Variants in PTPRN2 observed in about 807,000 individuals in gnomAD.
The protein encoded by PTPRN2 is protein tyrosine phosphatase receptor type N2, also known as receptor-type tyrosine-protein phosphatase N2.
Under a neutral mutation model 118.8 loss-of-function variants are expected in PTPRN2, and 74 were observed. The observed-to-expected ratio is 0.62, with a 90% CI of 0.52 to 0.76. The LOEUF (loss-of-function observed/expected upper bound fraction) is 0.76, where lower values mean the gene tolerates loss of function less well. Among genes scored for constraint, PTPRN2 ranks in the 30% least tolerant of loss-of-function variants. The pLI, the probability that PTPRN2 is intolerant of heterozygous loss-of-function variation, is 0.00. For synonymous variants in PTPRN2, 641 were observed against 608.0 expected, an observed-to-expected ratio of 1.05 and a Z score of -0.80; for missense variants, 1,481 against 1,394.4, an observed-to-expected ratio of 1.06 and a Z score of -0.99.
In PTPRN2 at chr7:157,609,349, C is replaced by G. The variant is rs568269186; in HGVS notation, c.2345-5274G>C. Among the ~76,000 whole-genome samples the G allele has an allele frequency of 6.6e-6, 1 of 152,094 alleles. No homozygotes were observed. Among genetic ancestry groups the G allele is most frequent in the Non-Finnish European group, 1.5e-5 (1 of 68,026 alleles). ...AGTGAGCTGAGACTGTGCCATTGCA[C>G]TCCAGCCTGGACAACAAGAGTGAAA... On this transcript the variant is annotated intron_variant, in intron 15 of 22. Coordinates refer to ENST00000389418, the MANE Select transcript of PTPRN2 (RefSeq NM_002847.5). This position sits in a 1 kb window ranked among gnomAD's most constrained non-coding sequence, Gnocchi z 4.9.
At chr7:158,533,179 T>G (rs906478054) in intron 1 of PTPRN2, among the ~76,000 whole-genome samples, 13 of 152,288 alleles carry the variant, frequency 8.5e-5, no homozygotes, top group South Asian at 6.2e-4. Flanking sequence ...GATTCTCAAA[T>G]CCCTGGAGAT....
intron 12 of PTPRN2, among the ~76,000 whole-genome samples, chr7:157,877,644 T>C (rs1054851478): frequency 6.6e-6 from 1 of 152,140 alleles, no homozygotes; most frequent in African/African-American, 2.4e-5. Context: ...GGACCCAGCA[T>C]CAAAGCCCGG....
intron 3 of PTPRN2, among the ~76,000 whole-genome samples, chr7:158,260,957 G>T (rs774970811): frequency 6.6e-6 from 1 of 152,128 alleles, no homozygotes. Context: ...GGGCAGGAGG[G>T]GGCCTGTCCC....
In PTPRN2 at chr7:158,003,186, G is replaced by C. The variant is rs373246515; in HGVS notation, c.1723+78112C>G. Among the ~76,000 whole-genome samples the C allele has an allele frequency of 6.6e-6, 1 of 151,902 alleles. No individual in the cohort carries two copies. Among genetic ancestry groups the C allele is most frequent in the Non-Finnish European group, 1.5e-5 (1 of 67,976 alleles). ...TCCCAGCACTTTGGGAGGCCGAGAC[G>C]GGCGGATCACGAGGTCAGGAGATCG... On this transcript the variant is annotated intron_variant, in intron 11 of 22. Coordinates refer to ENST00000389418, the MANE Select transcript of PTPRN2 (RefSeq NM_002847.5). The surrounding 1 kb of genome is among the most constrained non-coding windows in gnomAD (Gnocchi z 5.0).
At chr7:157,743,782 G>A (rs1800767807) in intron 12 of PTPRN2, among the ~76,000 whole-genome samples, 2 of 152,152 alleles carry the variant, frequency 1.3e-5, no homozygotes, top group Non-Finnish European at 2.9e-5. Flanking sequence ...GGCTGTGGCT[G>A]GGATAACAAT....
intron 11 of PTPRN2, among the ~76,000 whole-genome samples, chr7:157,928,292 G>T (rs1468018393): frequency 2.6e-5 from 4 of 152,196 alleles, no homozygotes; most frequent in African/African-American, 9.7e-5. Context: ...CCTTAGTAGA[G>T]CGGGCGGCAT....
chr7:158,566,195 A>C lies in PTPRN2; in HGVS notation c.112+21363T>G, dbSNP rs550516305. Among the ~76,000 whole-genome samples, 13 of 152,248 alleles carry C rather than the reference A, an allele frequency of 8.5e-5. No homozygotes were observed. The South Asian group carries it at 1.9e-3, about 22-fold the overall frequency. ...TGGTGAAGCCCTGTCTTTACTAAAAATACAAAAAATTAACTGGGCGTGGTG... is the reference window on the plus strand; with the variant it reads ...TGGTGAAGCCCTGTCTTTACTAAAACTACAAAAAATTAACTGGGCGTGGTG... On this transcript the variant is annotated intron_variant, in intron 1 of 22. Coordinates refer to ENST00000389418, the MANE Select transcript of PTPRN2 (RefSeq NM_002847.5).
At chr7:158,273,822 TG>T (rs1798726438) in intron 3 of PTPRN2, among the ~76,000 whole-genome samples, 1 of 14,460 alleles carries the variant, frequency 6.9e-5, no homozygotes, top group Admixed American at 9.4e-4. Flanking sequence ...GCCGCAGGCA[TG>T]GGGGAGCCGC....
At chr7:157,608,328 A>C (rs548627446) in intron 15 of PTPRN2, among the ~76,000 whole-genome samples, 1 of 152,230 alleles carries the variant, frequency 6.6e-6, no homozygotes, top group South Asian at 2.1e-4. Flanking sequence ...TCGGCCTCCC[A>C]AAGTGCTGGG....
intron 2 of PTPRN2, among the ~76,000 whole-genome samples, chr7:158,374,621 A>T (rs1810357930): frequency 6.6e-6 from 1 of 152,178 alleles, no homozygotes; most frequent in Non-Finnish European, 1.5e-5. Context: ...TGGCGCATCC[A>T]CTCAATGGAA....
rs1339348915 is a variant in PTPRN2 at position 157,794,502 on chromosome 7, G to C, written c.1788+104171C>G. Among the ~76,000 whole-genome samples the C allele has an allele frequency of 6.6e-6, 1 of 152,118 alleles. No homozygotes were observed. Among genetic ancestry groups the C allele is most frequent in the African/African-American group, 2.4e-5 (1 of 41,392 alleles). On this transcript the variant is annotated intron_variant, in intron 12 of 22. Transcript: ENST00000389418. The surrounding 1 kb of genome is among the most constrained non-coding windows in gnomAD (Gnocchi z 5.2). ...TGCTTTCGGATAAGTATGAAAATAG[G>C]CTCTCCCTCTCTGAGTCAAAGGAGG... is the stretch of plus-strand genomic sequence containing the variant.
chr7:157,547,470 TCA>T (rs1340778975), intron 22 of PTPRN2, among the ~76,000 whole-genome samples: 4 of 152,222 alleles, frequency 2.6e-5, no homozygotes, highest in Non-Finnish European at 4.4e-5. Flanking sequence ...CACGTCAACC[TCA>T]CGTCCAGTTC....
chr7:158,355,206 G>A (rs974390116), intron 2 of PTPRN2, among the ~76,000 whole-genome samples: 2 of 152,086 alleles, frequency 1.3e-5, no homozygotes, highest in South Asian at 4.2e-4. Flanking sequence ...AAAATACATC[G>A]AATGGGGCAC....
chr7:158,261,595 G>A (rs1797402880), intron 3 of PTPRN2, among the ~76,000 whole-genome samples: 1 of 152,096 alleles, frequency 6.6e-6, no homozygotes, highest in Non-Finnish European at 1.5e-5. Context: ...CACCCATCCT[G>A]AGCCAGAATG....
chr7:157,778,427 A>T (rs1252510920), intron 12 of PTPRN2, among the ~76,000 whole-genome samples: 1 of 151,242 alleles, frequency 6.6e-6, no homozygotes, highest in Non-Finnish European at 1.5e-5. Context: ...TACAGGCATC[A>T]AATGCCCACG....
chr7:158,340,736 G>C (rs1286299359), intron 2 of PTPRN2, among the ~76,000 whole-genome samples: 2 of 59,940 alleles, frequency 3.3e-5, no homozygotes, highest in Non-Finnish European at 6.4e-5. Context: ...ACCATAAGAG[G>C]TGACACATGC....
At chr7:158,269,594 G>A (rs1391275625) in intron 3 of PTPRN2, among the ~76,000 whole-genome samples, 1 of 152,190 alleles carries the variant, frequency 6.6e-6, no homozygotes, top group Admixed American at 6.5e-5. Context: ...GATGCTTCAA[G>A]AAGAAAGTGC....
chr7:157,816,425 C>G (rs1806404753), intron 12 of PTPRN2, among the ~76,000 whole-genome samples: 1 of 152,262 alleles, frequency 6.6e-6, no homozygotes, highest in Non-Finnish European at 1.5e-5. Context: ...AAGCCAAGGG[C>G]TGGCAGAGGC....
At chr7:158,170,253 C>G (rs1823416613) in intron 5 of PTPRN2, among the ~76,000 whole-genome samples, 1 of 152,218 alleles carries the variant, frequency 6.6e-6, no homozygotes, top group African/African-American at 2.4e-5. Context: ...TGCACTCCCT[C>G]TTGCAAAGGC....
Sources: allele counts gnomAD v4.1 joint callset (sites outside exome capture counted in the v4.1 genomes callset), GRCh38; gene constraint gnomAD v4.1.1; non-coding constraint Gnocchi (gnomAD v3.1); transcripts MANE v1.5; gene names NCBI Gene and HGNC (gene_info 2026-07-23, HGNC 2026-07-21).